The following ATP9B variants were observed in gnomAD, a reference collection of about 807,000 sequenced individuals.
ATP9B encodes ATPase phospholipid transporting 9B.
A neutral mutation model predicts 146.1 loss-of-function variants in ATP9B; 110 were observed. That is an observed-to-expected ratio of 0.75 (90% confidence interval 0.65 to 0.88). The LOEUF is 0.88. Among genes scored for constraint, ATP9B ranks in the 40% least tolerant of loss-of-function variants. The pLI is 0.00. For missense variants in ATP9B, 1,499 were observed against 1,496.4 expected, an observed-to-expected ratio of 1.00 and a Z score of -0.03; for synonymous variants, 604 against 569.7, an observed-to-expected ratio of 1.06 and a Z score of -0.86.
chr18:79,093,661 T>C (rs975246465), intron 1 of ATP9B, among the ~76,000 whole-genome samples: 10 of 152,240 alleles, frequency 6.6e-5, no homozygotes, highest in African/African-American at 2.4e-4. Context: ...AATAATGACA[T>C]GCATGTTAGA....
chr18:79,278,851 A>G (rs1170504610), intron 13 of ATP9B, among the ~76,000 whole-genome samples: 1 of 152,168 alleles, frequency 6.6e-6, no homozygotes. Flanking sequence ...TAAAGAATAA[A>G]TAAATCCATG....
chr18:79,213,853 A>G, intron 10 of ATP9B, 109 bp from the exon 11 acceptor site: 1 of 795,920 alleles, frequency 1.3e-6, no homozygotes, highest in Non-Finnish European at 1.9e-6. Flanking sequence ...AAATTTATAT[A>G]AAATCAAATA....
intron 13 of ATP9B, among the ~76,000 whole-genome samples, chr18:79,295,248 C>G (rs1001835158): frequency 6.6e-6 from 1 of 152,174 alleles, no homozygotes; most frequent in Non-Finnish European, 1.5e-5. Context: ...CAACATTTCA[C>G]TGTTCAAATC....
chr18:79,087,650 C>T (rs2073959706), intron 1 of ATP9B: 1 of 152,118 alleles, frequency 6.6e-6, no homozygotes, highest in Non-Finnish European at 1.5e-5. Flanking sequence ...AAAATGGAAA[C>T]AATAAGGCTT....
At chr18:79,206,056 T>G (rs976159075) in intron 9 of ATP9B, among the ~76,000 whole-genome samples, 5 of 151,888 alleles carry the variant, frequency 3.3e-5, no homozygotes, top group Non-Finnish European at 5.9e-5. Context: ...TTCTCCTGCC[T>G]CAGCCTCCCA....
At chr18:79,237,583 A>G (rs1303695527) in intron 11 of ATP9B, among the ~76,000 whole-genome samples, 1 of 151,784 alleles carries the variant, frequency 6.6e-6, no homozygotes, top group Non-Finnish European at 1.5e-5. Flanking sequence ...TAGTCAACGA[A>G]TATTGTGTAT....
chr18:79,128,782 A>G (rs1666640584), intron 5 of ATP9B, among the ~76,000 whole-genome samples: 1 of 152,186 alleles, frequency 6.6e-6, no homozygotes, highest in Admixed American at 6.5e-5. Context: ...CTGCCCTTCC[A>G]CAGAAACATT....
chr18:79,200,756 T>TG, intron 9 of ATP9B, among the ~76,000 whole-genome samples: 8 of 152,206 alleles, frequency 5.3e-5, no homozygotes, highest in African/African-American at 1.2e-4. Context: ...GAGGTGGAGG[T>TG]GGGAACGTTG....
chr18:79,099,799 C>G (rs759408056), intron 2 of ATP9B, among the ~76,000 whole-genome samples: 2 of 151,466 alleles, frequency 1.3e-5, no homozygotes, highest in Admixed American at 1.3e-4. Context: ...TGATTTGTAT[C>G]TGAATTTCAT....
chr18:79,359,239 T>A (rs1384884180), intron 25 of ATP9B, 115 bp from the exon 26 acceptor site: 1 of 722,588 alleles, frequency 1.4e-6, no homozygotes, highest in Non-Finnish European at 2.3e-6. Context: ...CTTTGTTGGT[T>A]TTTGTGGAGT....
intron 11 of ATP9B, among the ~76,000 whole-genome samples, chr18:79,250,748 A>G (rs931537847): frequency 1.3e-5 from 2 of 152,252 alleles, no homozygotes; most frequent in Admixed American, 6.5e-5. Context: ...GGCACAGCCC[A>G]TACCCGCAGC....
chr18:79,133,186 C>G (rs903229205), intron 5 of ATP9B, among the ~76,000 whole-genome samples: 2 of 152,136 alleles, frequency 1.3e-5, no homozygotes, highest in Non-Finnish European at 2.9e-5. Context: ...GCCACCATGC[C>G]CAGCCTTTCT....
At chr18:79,363,594 G>A (rs2097005091) in intron 26 of ATP9B, 1 of 151,220 alleles carries the variant, frequency 6.6e-6, no homozygotes, top group African/African-American at 2.5e-5. Context: ...GTAAGCAGAT[G>A]TTCATGGTTT....
chr18:79,284,727 C>T (rs934300723), intron 13 of ATP9B, among the ~76,000 whole-genome samples: 76 of 151,544 alleles, frequency 5.0e-4, no homozygotes, highest in African/African-American at 1.8e-3. Flanking sequence ...CCCATTAACT[C>T]ATTATTTAGC....
At chr18:79,186,620 C>T (rs539858718) in intron 8 of ATP9B, among the ~76,000 whole-genome samples, 2 of 152,296 alleles carry the variant, frequency 1.3e-5, no homozygotes, top group South Asian at 4.1e-4. Flanking sequence ...AATCACTTGA[C>T]TGCTTATTAA....
intron 11 of ATP9B, among the ~76,000 whole-genome samples, chr18:79,242,394 C>T (rs981558604): frequency 4.6e-5 from 7 of 152,146 alleles, no homozygotes; most frequent in Non-Finnish European, 7.4e-5. Flanking sequence ...AGCTGATAAC[C>T]GCAAACGAGA....
intron 11 of ATP9B, among the ~76,000 whole-genome samples, chr18:79,233,469 T>G (rs1024157341): frequency 2.0e-5 from 3 of 152,062 alleles, no homozygotes; most frequent in Non-Finnish European, 2.9e-5. Flanking sequence ...TGTATAATAT[T>G]CAAACTACAA....
intron 23 of ATP9B, among the ~76,000 whole-genome samples, chr18:79,347,215 T>C (rs2096894640): frequency 6.6e-6 from 1 of 152,214 alleles, no homozygotes; most frequent in African/African-American, 2.4e-5. Context: ...ACTTAAATAT[T>C]AATACAGACA....
chr18:79,101,133 T>G (rs1004066603), intron 2 of ATP9B, among the ~76,000 whole-genome samples: 45 of 151,440 alleles, frequency 3.0e-4, no homozygotes, highest in African/African-American at 1.0e-3. Flanking sequence ...GGTGATTTCA[T>G]CAGGTGTTGA....
Sources: gnomAD v4.1 joint callset for allele counts (sites outside exome capture counted in the v4.1 genomes callset) on GRCh38, gnomAD v4.1.1 for gene constraint, MANE v1.5 for transcripts, NCBI Gene and HGNC (gene_info 2026-07-23, HGNC 2026-07-21) for gene names.